The following MAEA variants were observed in gnomAD, a reference collection of about 807,000 sequenced individuals.
MAEA encodes E3 ubiquitin-protein transferase MAEA.
In MAEA, 22 loss-of-function variants were observed where a neutral mutation model predicts 46.2. That is an observed-to-expected ratio of 0.48 (90% CI 0.34 to 0.68). The LOEUF is 0.68. Among genes scored for constraint, MAEA ranks in the 30% least tolerant of loss-of-function variants. MAEA has a pLI of 0.01. For missense variants in MAEA, 393 were observed against 558.1 expected, an observed-to-expected ratio of 0.70 and a Z score of 2.98; for synonymous variants, 246 against 222.6, an observed-to-expected ratio of 1.11 and a Z score of -0.94.
chr4:1,317,094 A>G (rs1233191268), intron 3 of MAEA, among the ~76,000 whole-genome samples: 1 of 65,098 alleles, frequency 1.5e-5, no homozygotes, highest in Admixed American at 2.0e-4. Context: ...CCCACACTCC[A>G]CACTCACCTG....
At position 1,315,408 on chromosome 4, in the gene MAEA, C is replaced by A; in HGVS notation, c.264C>A (p.Ser88=). 1 of 1,613,876 alleles carries A rather than the reference C, an allele frequency of 6.2e-7. No homozygotes were observed. The stretch of plus-strand genomic sequence containing the variant: ...TGTGTGTGGCTCAGGCGGTGGAATC[C>A]ATCCAGGCCGAGGACGAGAGCGCCA... The part of the protein sequence containing the change: ...LSVLKRKAVE[S]IQAEDESAKL... The change falls in exon 3 of 9, where the codon TCC becomes TCA. Residue 88 remains serine (S), a synonymous_variant. Coordinates refer to ENST00000303400, the MANE Select transcript of MAEA (RefSeq NM_001017405.3).
At chr4:1,303,232 CAAAAAAAAAAA>C (rs71168823) in intron 1 of MAEA, among the ~76,000 whole-genome samples, 5 of 65,674 alleles carry the variant, frequency 7.6e-5, no homozygotes, top group Admixed American at 1.6e-4. Flanking sequence ...ACTAAAAATA[CAAAAAAAAAAA>C]AAAAAAAAAA....
At chr4:1,303,455 G>A (rs1284426178) in intron 1 of MAEA, among the ~76,000 whole-genome samples, 1 of 150,654 alleles carries the variant, frequency 6.6e-6, no homozygotes, top group Non-Finnish European at 1.5e-5. Context: ...TCCATCAGTT[G>A]TGAATTCCTA....
intron 1 of MAEA, among the ~76,000 whole-genome samples, chr4:1,299,365 G>A (rs752657559): frequency 5.9e-5 from 9 of 152,062 alleles, no homozygotes; most frequent in Non-Finnish European, 1.3e-4. Context: ...CCACCCTGGC[G>A]TCAGGACATG....
intron 4 of MAEA, among the ~76,000 whole-genome samples, chr4:1,325,853 C>A (rs546698688): frequency 6.6e-6 from 1 of 152,312 alleles, no homozygotes; most frequent in East Asian, 1.9e-4. Flanking sequence ...GCCTGGCACT[C>A]CCCACCCAGA....
At chr4:1,322,315 G>GCCTCA in intron 3 of MAEA, 66 bp from the exon 4 acceptor site, 1 of 1,592,914 alleles carries the variant, frequency 6.3e-7, no homozygotes, top group Non-Finnish European at 8.6e-7. Context: ...AGGCTGGGGT[G>GCCTCA]TGGGAGGGTG....
chr4:1,303,661 G>A lies in MAEA; in HGVS notation c.70-8318G>A, dbSNP rs138281172. On this transcript the variant is annotated intron_variant, in intron 1 of 8. Coordinates refer to ENST00000303400, the MANE Select transcript of MAEA (RefSeq NM_001017405.3). ...ATTGCCTGGGTCTGAGGGGACTACAGCGGGTTCCTTTTTTGGAGTGATGAA... is the reference window on the plus strand; with the variant it reads ...ATTGCCTGGGTCTGAGGGGACTACAACGGGTTCCTTTTTTGGAGTGATGAA... Among the ~76,000 whole-genome samples, 608 of 152,222 alleles carry A rather than the reference G, an allele frequency of 4.0e-3. 11 individuals are homozygous for A. Among genetic ancestry groups the A allele is most frequent in the African/African-American group, 0.014 (569 of 41,536 alleles).
At chr4:1,325,420 G>C (rs1370428599) in intron 4 of MAEA, among the ~76,000 whole-genome samples, 1 of 121,660 alleles carries the variant, frequency 8.2e-6, no homozygotes, top group African/African-American at 3.1e-5. Flanking sequence ...TTAGATTTGG[G>C]TCTGAATACC....
intron 2 of MAEA, among the ~76,000 whole-genome samples, chr4:1,313,583 G>T (rs1259060472): frequency 6.6e-6 from 1 of 152,096 alleles, no homozygotes; most frequent in Non-Finnish European, 1.5e-5. Context: ...AAATAGCCAA[G>T]CGTACTGGTG....
intron 5 of MAEA, chr4:1,330,274 G>T (rs1308856236): frequency 7.0e-6 from 2 of 287,700 alleles, no homozygotes; most frequent in Non-Finnish European, 9.5e-6. Context: ...CCTCAGCCTG[G>T]CCAGGCACAG....
chr4:1,333,035 C>T (rs970610139), intron 6 of MAEA, among the ~76,000 whole-genome samples, 170 bp downstream of exon 6: 1 of 152,066 alleles, frequency 6.6e-6, no homozygotes, highest in Non-Finnish European at 1.5e-5. Context: ...CCATTTTGCT[C>T]ATAAGAAATT....
intron 3 of MAEA, among the ~76,000 whole-genome samples, chr4:1,317,066 C>T (rs1442747746): frequency 2.4e-4 from 30 of 125,854 alleles, no homozygotes; most frequent in Non-Finnish European, 3.4e-4. Flanking sequence ...CAGACTCACC[C>T]CCAGGCCCAC....
intron 7 of MAEA, 35 bp downstream of exon 7, chr4:1,337,029 T>C: frequency 6.2e-7 from 1 of 1,608,594 alleles, no homozygotes; most frequent in Admixed American, 1.7e-5. Context: ...CGGTTTGGCC[T>C]GGGGTTGGCA....
chr4:1,300,859 T>C (rs1018954060), intron 1 of MAEA, among the ~76,000 whole-genome samples: 1 of 152,172 alleles, frequency 6.6e-6, no homozygotes, highest in African/African-American at 2.4e-5. Context: ...AGAAGCCTCT[T>C]AGGGGATTCG....
At chr4:1,312,422 G>GC in intron 2 of MAEA, 2 of 225,104 alleles carry the variant, frequency 8.9e-6, no homozygotes, top group Non-Finnish European at 7.2e-6. Context: ...CAGGTTGATT[G>GC]ATTTTTTTTT....
chr4:1,304,353 C>T (rs527412920), intron 1 of MAEA, among the ~76,000 whole-genome samples: 70 of 152,024 alleles, frequency 4.6e-4, no homozygotes, highest in African/African-American at 1.5e-3. Context: ...AGGCTGGTCT[C>T]CAACTCCTGG....
At chr4:1,322,059 C>G (rs372538310) in intron 3 of MAEA, among the ~76,000 whole-genome samples, 8 of 152,164 alleles carry the variant, frequency 5.3e-5, no homozygotes, top group African/African-American at 1.9e-4. Context: ...ACAGGGCCGC[C>G]TGGCATGTGG....
rs1435570833 is a variant in MAEA, at chr4:1,337,101, A to G, written c.899+107A>G. ...TGCCACTCTTGTCCTCCCACCACAG[A>G]CAGCCCCGAGCTCCCGTGTGCTGCA... is the stretch of plus-strand genomic sequence containing the variant. On this transcript the variant is annotated intron_variant, in intron 7 of 8. Coordinates refer to ENST00000303400, the MANE Select transcript of MAEA (RefSeq NM_001017405.3). The G allele has an allele frequency of 3.6e-6, 5 of 1,392,856 alleles. No homozygotes were observed. The African/African-American group carries it at 4.3e-5, about 12-fold the overall frequency. 86.3% of individuals were successfully genotyped at this position (1,392,856 alleles called of 1,614,324 possible).
chr4:1,291,252 C>A (rs182410419), intron 1 of MAEA, among the ~76,000 whole-genome samples: 3 of 152,306 alleles, frequency 2.0e-5, no homozygotes, highest in African/African-American at 7.2e-5. Context: ...TGCCTTTTGA[C>A]CTCCCAAAGC....
Sources: allele counts gnomAD v4.1 joint callset (sites outside exome capture counted in the v4.1 genomes callset), GRCh38; gene constraint gnomAD v4.1.1; transcripts MANE v1.5; gene names NCBI Gene and HGNC (gene_info 2026-07-23, HGNC 2026-07-21).